The following LSAMP variants were observed in gnomAD, a reference collection of about 807,000 sequenced individuals.
LSAMP encodes the protein limbic system associated membrane protein, also known as limbic system-associated membrane protein.
Under a neutral mutation model 38.6 loss-of-function variants are expected in LSAMP, and 7 were observed. That is an observed-to-expected ratio of 0.18 (90% confidence interval 0.10 to 0.34). The LOEUF (loss-of-function observed/expected upper bound fraction) is 0.34. LSAMP is among the 10% of genes least tolerant of loss of function. The pLI, the probability that LSAMP is intolerant of heterozygous loss-of-function variation, is 1.00. For synonymous variants in LSAMP, 154 were observed against 166.8 expected, an observed-to-expected ratio of 0.92 and a Z score of 0.59; for missense variants, 313 against 420.0, an observed-to-expected ratio of 0.75 and a Z score of 2.23.
At chr3:115,903,059 G>A (rs1479231248) in intron 3 of LSAMP, among the ~76,000 whole-genome samples, 2 of 152,054 alleles carry the variant, frequency 1.3e-5, no homozygotes, top group African/African-American at 4.8e-5. Flanking sequence ...CAGCACTATT[G>A]ACAATAGCAA....
chr3:116,214,894 AG>A, intron 1 of LSAMP, among the ~76,000 whole-genome samples: 1 of 152,304 alleles, frequency 6.6e-6, no homozygotes, highest in South Asian at 2.1e-4. Context: ...TGGGAAGAGG[AG>A]AAATAATAAA....
intron 3 of LSAMP, among the ~76,000 whole-genome samples, chr3:115,922,842 T>C (rs551388005): frequency 2.0e-5 from 3 of 152,244 alleles, no homozygotes; most frequent in South Asian, 4.1e-4. Flanking sequence ...CAGGAGTTTA[T>C]AATCTCTTCC....
intron 1 of LSAMP, among the ~76,000 whole-genome samples, chr3:116,433,519 C>A (rs2049308873): frequency 6.6e-6 from 1 of 152,116 alleles, no homozygotes; most frequent in Non-Finnish European, 1.5e-5. Flanking sequence ...CTCCACTGAA[C>A]ATTCCAGCGT....
At chr3:116,002,956 T>C (rs1043124747) in intron 3 of LSAMP, among the ~76,000 whole-genome samples, 2 of 152,120 alleles carry the variant, frequency 1.3e-5, no homozygotes, top group Non-Finnish European at 2.9e-5. Context: ...AGTGCTAGGG[T>C]GAAGGAAAGA....
At chr3:115,976,225 T>C (rs1939184956) in intron 3 of LSAMP, among the ~76,000 whole-genome samples, 1 of 152,190 alleles carries the variant, frequency 6.6e-6, no homozygotes, top group Non-Finnish European at 1.5e-5. Flanking sequence ...AGTGCAAACT[T>C]ATACTTTCAC....
chr3:116,301,896 CA>C (rs562374351), intron 1 of LSAMP, among the ~76,000 whole-genome samples: 72 of 152,196 alleles, frequency 4.7e-4, no homozygotes, highest in Middle Eastern at 3.4e-3. Flanking sequence ...AAAGAGTAAA[CA>C]AAAATGGTTG....
chr3:115,930,269 T>A (rs369530952), intron 3 of LSAMP, among the ~76,000 whole-genome samples: 2 of 152,098 alleles, frequency 1.3e-5, no homozygotes, highest in South Asian at 4.2e-4. Flanking sequence ...TGTAACTTTT[T>A]AACCTGTAGA....
At chr3:116,252,142 G>A (rs2046691888) in intron 1 of LSAMP, among the ~76,000 whole-genome samples, 1 of 152,162 alleles carries the variant, frequency 6.6e-6, no homozygotes, top group African/African-American at 2.4e-5. Flanking sequence ...GGGAGACCAA[G>A]GGGTCCCTGT....
At chr3:115,884,051 A>G (rs1936389715) in intron 3 of LSAMP, among the ~76,000 whole-genome samples, 1 of 152,080 alleles carries the variant, frequency 6.6e-6, no homozygotes, top group South Asian at 2.1e-4. Context: ...TAATTGGAAA[A>G]TTTGAACATT....
intron 1 of LSAMP, among the ~76,000 whole-genome samples, chr3:116,443,487 C>T (rs1362967679): frequency 6.6e-6 from 1 of 152,082 alleles, no homozygotes; most frequent in African/African-American, 2.4e-5. Context: ...ACATGCAATG[C>T]ACGGCACACA....
At chr3:116,351,379 G>A (rs1162366852) in intron 1 of LSAMP, among the ~76,000 whole-genome samples, 1 of 152,094 alleles carries the variant, frequency 6.6e-6, no homozygotes, top group East Asian at 1.9e-4. Flanking sequence ...CACCTCAGCA[G>A]CATTAGTCTC....
At chr3:115,880,471 T>G (rs933958447) in intron 3 of LSAMP, among the ~76,000 whole-genome samples, 1 of 152,158 alleles carries the variant, frequency 6.6e-6, no homozygotes, top group East Asian at 1.9e-4. Flanking sequence ...CCAACAAATA[T>G]AAATATTTGA....
intron 2 of LSAMP, among the ~76,000 whole-genome samples, chr3:116,066,717 G>A (rs943338249): frequency 6.6e-6 from 1 of 152,100 alleles, no homozygotes; most frequent in Non-Finnish European, 1.5e-5. Flanking sequence ...GCAAATAAAG[G>A]CTAAGATTCT....
intron 3 of LSAMP, among the ~76,000 whole-genome samples, chr3:115,946,321 C>T (rs1032839727): frequency 6.6e-6 from 1 of 151,974 alleles, no homozygotes; most frequent in Non-Finnish European, 1.5e-5. Context: ...TTCTGTTGGC[C>T]GGAAAGACTA....
intron 1 of LSAMP, among the ~76,000 whole-genome samples, chr3:116,321,776 A>C (rs1323595680): frequency 3.9e-5 from 6 of 152,186 alleles, no homozygotes; most frequent in Admixed American, 3.9e-4. Context: ...TTCTCCTTCA[A>C]ACTCAATCAA....
intron 1 of LSAMP, among the ~76,000 whole-genome samples, chr3:116,185,984 C>A (rs1710607026): frequency 1.3e-5 from 2 of 150,736 alleles, no homozygotes; most frequent in Non-Finnish European, 2.9e-5. Flanking sequence ...CATGAAATGT[C>A]TACCCCTTTA....
At chr3:116,300,974 T>G (rs1407296994) in intron 1 of LSAMP, among the ~76,000 whole-genome samples, 1 of 151,806 alleles carries the variant, frequency 6.6e-6, no homozygotes, top group African/African-American at 2.4e-5. Context: ...ATAAATATAA[T>G]AAATATTATT....
intron 1 of LSAMP, among the ~76,000 whole-genome samples, chr3:116,289,027 G>C (rs1009338988): frequency 6.6e-6 from 1 of 152,050 alleles, no homozygotes; most frequent in Non-Finnish European, 1.5e-5. Flanking sequence ...ACAATACAGT[G>C]CACACTTAGA....
At chr3:116,385,617 T>C (rs188490294) in intron 1 of LSAMP, among the ~76,000 whole-genome samples, 234 of 152,272 alleles carry the variant, frequency 1.5e-3, no homozygotes, top group African/African-American at 5.3e-3. Flanking sequence ...AAAGTCTCAG[T>C]CTATTATTAT....
Sources: allele counts gnomAD v4.1 joint callset (sites outside exome capture counted in the v4.1 genomes callset), GRCh38; gene constraint gnomAD v4.1.1; transcripts MANE v1.5; gene names NCBI Gene and HGNC (gene_info 2026-07-23, HGNC 2026-07-21).